The following EMILIN2 variants were observed in gnomAD, a reference collection of about 807,000 sequenced individuals.
EMILIN2 encodes the protein elastin microfibril interfacer 2, also known as EMILIN-2.
In EMILIN2, 71 loss-of-function variants were observed where a neutral mutation model predicts 87.1. That is an observed-to-expected ratio of 0.82 (90% CI 0.67 to 0.99). The LOEUF is 0.99. EMILIN2 is among the 50% of genes least tolerant of loss of function. EMILIN2 has a pLI of 0.00. For missense variants in EMILIN2, 1,407 were observed against 1,371.8 expected, an observed-to-expected ratio of 1.03 and a Z score of -0.40; for synonymous variants, 581 against 563.4, an observed-to-expected ratio of 1.03 and a Z score of -0.44.
At chr18:2,892,591 G>C (rs1325663709) in intron 4 of EMILIN2, 105 bp downstream of exon 4, 5 of 1,429,544 alleles carry the variant, frequency 3.5e-6, no homozygotes, top group African/African-American at 2.9e-5. Flanking sequence ...AACTTCATGA[G>C]GTAAAAATGT....
intron 5 of EMILIN2, 56 bp from the exon 6 acceptor site, chr18:2,908,887 C>T: frequency 6.8e-6 from 11 of 1,607,974 alleles, no homozygotes; most frequent in Non-Finnish European, 9.4e-6. Context: ...GGGCTCAGAA[C>T]AAGGAGCTGG....
intron 2 of EMILIN2, among the ~76,000 whole-genome samples, chr18:2,863,351 G>T (rs996979960): frequency 3.3e-5 from 5 of 151,824 alleles, no homozygotes; most frequent in African/African-American, 1.2e-4. Context: ...TCTCTTGTGG[G>T]CATTTAGTGC....
At chr18:2,864,889 C>T (rs1302297964) in intron 2 of EMILIN2, among the ~76,000 whole-genome samples, 10 of 152,162 alleles carry the variant, frequency 6.6e-5, no homozygotes, top group Admixed American at 6.5e-4. Flanking sequence ...CACATAGTCC[C>T]ATATTTCTTG....
In EMILIN2 at chr18:2,847,791, C is replaced by G; in HGVS notation, c.135-18C>G. The G allele has an allele frequency of 6.2e-7, 1 of 1,611,730 alleles. No individual in the cohort carries two copies. On this transcript the variant is annotated intron_variant, in intron 1 of 7. Coordinates refer to ENST00000254528, the MANE Select transcript of EMILIN2 (RefSeq NM_032048.3). The surrounding 1 kb of genome is among the most constrained non-coding windows in gnomAD (Gnocchi z 4.5). ...GGGTTTACCCCGTGCCCCTCTCCCT[C>G]TCTCTCCTGCACCCCAGGAACTGGT...
chr18:2,864,175 A>G (rs987051239), intron 2 of EMILIN2, among the ~76,000 whole-genome samples: 3 of 152,036 alleles, frequency 2.0e-5, no homozygotes, highest in Admixed American at 6.6e-5. Flanking sequence ...TCTTTATCCA[A>G]TTTGCCAGTC....
rs1598499472 is a variant in EMILIN2, at chr18:2,891,262, GAAAT to G, written c.1142_1145del (p.Asn381ThrfsTer45). On this transcript the variant is annotated frameshift_variant, in exon 4 of 8. Coordinates refer to ENST00000254528, the MANE Select transcript of EMILIN2 (RefSeq NM_032048.3). LOFTEE classifies it high-confidence loss of function. The surrounding 1 kb of genome is among the most constrained non-coding windows in gnomAD (Gnocchi z 4.6). ...GGAGAAGGAAACAAGCCTGAGAAAA[GAAAT>G]AAATAACCTCCGAGCCCGGCTACAG... is the stretch of plus-strand genomic sequence containing the variant. The G allele has an allele frequency of 1.9e-6, 3 of 1,614,192 alleles. No homozygotes were observed. Among genetic ancestry groups the G allele is most frequent in the Non-Finnish European group, 2.5e-6 (3 of 1,180,038 alleles).
chr18:2,899,544 A>C (rs529454111), intron 4 of EMILIN2, among the ~76,000 whole-genome samples: 2 of 152,014 alleles, frequency 1.3e-5, no homozygotes, highest in East Asian at 1.9e-4. Flanking sequence ...TTGCTCTGTC[A>C]CCCAGGCTGG....
At chr18:2,879,626 A>G (rs1436138417) in intron 2 of EMILIN2, among the ~76,000 whole-genome samples, 1 of 151,708 alleles carries the variant, frequency 6.6e-6, no homozygotes, top group East Asian at 2.0e-4. Context: ...GCACCACTGC[A>G]CTCCAGCCTG....
intron 2 of EMILIN2, among the ~76,000 whole-genome samples, chr18:2,852,271 T>C (rs1185098736): frequency 6.6e-6 from 1 of 152,220 alleles, no homozygotes; most frequent in Non-Finnish European, 1.5e-5. Context: ...TGTTGGCTTA[T>C]TTTAATGAAG....
rs150949474 is a variant in EMILIN2, at chr18:2,880,160, A to G, written c.258-4804A>G. Among the ~76,000 whole-genome samples, 113 of 152,290 alleles carry G rather than the reference A, an allele frequency of 7.4e-4. No individual in the cohort carries two copies. Among genetic ancestry groups the G allele is most frequent in the African/African-American group, 2.5e-3 (102 of 41,548 alleles). On this transcript the variant is annotated intron_variant, in intron 2 of 7. Transcript: ENST00000254528. The surrounding 1 kb of genome is among the most constrained non-coding windows in gnomAD (Gnocchi z 4.1). ...GTGTTATGAAGGAGGTCTCAACTTG[A>G]GTCAGTAGAAGGAGTCTTTGTGGGG...
At chr18:2,861,203 A>C (rs943005147) in intron 2 of EMILIN2, among the ~76,000 whole-genome samples, 2 of 152,126 alleles carry the variant, frequency 1.3e-5, no homozygotes, top group African/African-American at 4.8e-5. Context: ...CTCTGACGGT[A>C]GTTTCTTTTG....
At chr18:2,911,246 TG>T (rs933874764) in intron 7 of EMILIN2, among the ~76,000 whole-genome samples, 1 of 152,142 alleles carries the variant, frequency 6.6e-6, no homozygotes, top group Non-Finnish European at 1.5e-5. Flanking sequence ...ATTCTTCCCT[TG>T]GGGGGCCGTC....
intron 2 of EMILIN2, among the ~76,000 whole-genome samples, chr18:2,865,382 T>C (rs201977744): frequency 6.6e-6 from 1 of 152,190 alleles, no homozygotes; most frequent in Non-Finnish European, 1.5e-5. Flanking sequence ...TGACGTACAG[T>C]TGGGGTTTTG....
rs1287150542 is a variant in EMILIN2 at position 2,913,350 on chromosome 18, A to T, written c.3108A>T (p.Glu1036Asp). The T allele has an allele frequency of 6.2e-7, 1 of 1,611,898 alleles. No homozygotes were observed. The highest frequency in any genetic ancestry group is 8.5e-7 in the Non-Finnish European group (1 of 1,178,968). ...GGKLAHTDFDEMYSTFSGVFL... is the reference protein window; with the variant it reads ...GGKLAHTDFDDMYSTFSGVFL... ...AGCTGGCTCACACAGACTTTGATGA[A>T]ATGTACTCCACATTTAGTGGGGTTT... Residue 1036 changes from glutamate to aspartate, a missense_variant, in exon 8 of 8, where the codon GAA becomes GAT. Physicochemically the swap from Glu to Asp is conservative, Grantham distance 45. Transcript: ENST00000254528.
chr18:2,847,954 G>T lies in EMILIN2; in HGVS notation c.257+23G>T, dbSNP rs1489568853. 4 of 1,597,388 alleles carry T rather than the reference G, an allele frequency of 2.5e-6. No homozygotes were observed. The South Asian group carries it at 4.4e-5, about 18-fold the overall frequency. ...GGTGTAAGTCCTGGAGCCGGGGAGCGGGCGGGGCGCGCCCGGGCCGGGGCG... is the reference window on the plus strand; with the variant it reads ...GGTGTAAGTCCTGGAGCCGGGGAGCTGGCGGGGCGCGCCCGGGCCGGGGCG... On this transcript the variant is annotated intron_variant, in intron 2 of 7. Coordinates refer to ENST00000254528, the MANE Select transcript of EMILIN2 (RefSeq NM_032048.3). The surrounding 1 kb of genome is among the most constrained non-coding windows in gnomAD (Gnocchi z 4.5).
At chr18:2,861,438 G>T (rs1360229670) in intron 2 of EMILIN2, among the ~76,000 whole-genome samples, 1 of 152,200 alleles carries the variant, frequency 6.6e-6, no homozygotes, top group African/African-American at 2.4e-5. Context: ...TGCAGTTTCA[G>T]CTTTCTCCAT....
intron 3 of EMILIN2, among the ~76,000 whole-genome samples, chr18:2,888,973 G>A (rs1027716728): frequency 6.6e-6 from 1 of 152,066 alleles, no homozygotes; most frequent in Admixed American, 6.5e-5. Context: ...ATGTTTTCCA[G>A]TGTAATATAT....
rs111675064 is a variant in EMILIN2, at chr18:2,860,359, G to A, written c.257+12428G>A. ...CCATTAACTTGTCATTTAACATTAG[G>A]CATATCTCCTAATGCTATCCCTCCC... On this transcript the variant is annotated intron_variant, in intron 2 of 7. Transcript: ENST00000254528. Among the ~76,000 whole-genome samples, 576 of 152,188 alleles carry A rather than the reference G, an allele frequency of 3.8e-3. 8 individuals carry two copies. Among genetic ancestry groups the A allele is most frequent in the African/African-American group, 0.013 (533 of 41,516 alleles).
chr18:2,889,930 C>T (rs913915957), intron 3 of EMILIN2, among the ~76,000 whole-genome samples: 13 of 152,122 alleles, frequency 8.5e-5, no homozygotes, highest in Non-Finnish European at 1.8e-4. Flanking sequence ...ATCTCTGTTG[C>T]TTTTTGTCTC....
Sources: allele counts gnomAD v4.1 joint callset (sites outside exome capture counted in the v4.1 genomes callset), GRCh38; gene constraint gnomAD v4.1.1; non-coding constraint Gnocchi (gnomAD v3.1); transcripts MANE v1.5; gene names NCBI Gene and HGNC (gene_info 2026-07-23, HGNC 2026-07-21).